Variants in CLSTN2 observed in about 807,000 individuals in gnomAD.
CLSTN2 encodes the protein calsyntenin 2, also known as calsyntenin-2.
Under a neutral mutation model 101.2 loss-of-function variants are expected in CLSTN2, and 48 were observed. That is an observed-to-expected ratio of 0.47 (90% CI 0.38 to 0.60). CLSTN2 has a LOEUF of 0.60. Ranked by LOEUF, CLSTN2 falls within the 20% of genes least tolerant of loss-of-function variation. CLSTN2 has a pLI of 0.00. For missense variants in CLSTN2, 1,160 were observed against 1,238.2 expected, an observed-to-expected ratio of 0.94 and a Z score of 0.95; for synonymous variants, 481 against 463.6, an observed-to-expected ratio of 1.04 and a Z score of -0.48.
At chr3:140,221,317 G>C (rs1316167927) in intron 2 of CLSTN2, among the ~76,000 whole-genome samples, 1 of 152,134 alleles carries the variant, frequency 6.6e-6, no homozygotes, top group African/African-American at 2.4e-5. Flanking sequence ...TCTATGTTTA[G>C]ATGTGGAAAT....
intron 6 of CLSTN2, chr3:140,453,345 C>T (rs1316598290): frequency 1.3e-5 from 2 of 152,174 alleles, no homozygotes; most frequent in Non-Finnish European, 2.9e-5. Context: ...TGTGTCAGAG[C>T]AGTGCGCCTG....
At chr3:140,080,740 C>T (rs569299667) in intron 1 of CLSTN2, among the ~76,000 whole-genome samples, 2 of 152,296 alleles carry the variant, frequency 1.3e-5, no homozygotes, top group East Asian at 1.9e-4. Flanking sequence ...GAAACCACCG[C>T]CCCAAACACC....
intron 1 of CLSTN2, among the ~76,000 whole-genome samples, chr3:140,063,466 C>T (rs1172738058): frequency 1.3e-5 from 2 of 152,168 alleles, no homozygotes; most frequent in Non-Finnish European, 2.9e-5. Flanking sequence ...GCTAACTGAG[C>T]ACCTGCCACA....
intron 8 of CLSTN2, among the ~76,000 whole-genome samples, chr3:140,517,890 G>A (rs1214494353): frequency 6.6e-6 from 1 of 152,082 alleles, no homozygotes; most frequent in Non-Finnish European, 1.5e-5. Context: ...AGCTCCCAAG[G>A]GATTATTTCC....
chr3:140,320,782 A>G (rs1320197464), intron 2 of CLSTN2, among the ~76,000 whole-genome samples: 3 of 152,172 alleles, frequency 2.0e-5, no homozygotes, highest in Non-Finnish European at 4.4e-5. Context: ...GGAAAAGACC[A>G]TTTTGAGGGA....
chr3:140,062,621 C>T (rs1240355730), intron 1 of CLSTN2, among the ~76,000 whole-genome samples: 1 of 152,194 alleles, frequency 6.6e-6, no homozygotes, highest in Non-Finnish European at 1.5e-5. Context: ...CTTTTCCTTG[C>T]CCTGCCCTGG....
Position 140,342,353 on chromosome 3 carries a change from C to T in CLSTN2, c.233-61276C>T, listed in dbSNP as rs905161977. On this transcript the variant is annotated intron_variant, in intron 2 of 16. Transcript: ENST00000458420. ...CCAAATGTCCCTTGGGGGACAAAAT[C>T]GCTCTCACTTGAGAACCACTTTTCT... 2.6e-5 allele frequency among the ~76,000 whole-genome samples: 4 copies of T among 152,058 alleles called. No individual in the cohort carries two copies. The East Asian group carries it at 5.8e-4, about 22-fold the overall frequency.
chr3:140,169,401 G>A (rs930959499), intron 1 of CLSTN2, among the ~76,000 whole-genome samples: 1 of 151,842 alleles, frequency 6.6e-6, no homozygotes, highest in Non-Finnish European at 1.5e-5. Context: ...TTTTTGCATT[G>A]ATTATCATGT....
intron 1 of CLSTN2, among the ~76,000 whole-genome samples, chr3:140,122,220 CA>C: frequency 1.3e-5 from 2 of 152,282 alleles, no homozygotes; most frequent in South Asian, 4.1e-4. Flanking sequence ...ATGCTTTTTG[CA>C]GCCAGAAGAC....
rs573505147 is a variant in CLSTN2 at position 140,352,140 on chromosome 3, C to T, written c.233-51489C>T. ...AAAGATAATAGTTGGATCTTCCAGA[C>T]GGTTGCTGTGACATTTAAAAGAGAT... is the stretch of plus-strand genomic sequence containing the variant. On this transcript the variant is annotated intron_variant, in intron 2 of 16. Transcript: ENST00000458420. Among the ~76,000 whole-genome samples the T allele has an allele frequency of 1.4e-4, 21 of 152,276 alleles. No homozygotes were observed. The South Asian group carries it at 2.9e-3, about 21-fold the overall frequency.
chr3:140,532,552 GA>G, intron 9 of CLSTN2, 66 bp downstream of exon 9: 1 of 1,378,706 alleles, frequency 7.3e-7, no homozygotes, highest in South Asian at 1.8e-5. Flanking sequence ...TACTTGTAGA[GA>G]AAAAGGAAAA....
At chr3:139,948,375 G>T (rs916561360) in intron 1 of CLSTN2, among the ~76,000 whole-genome samples, 3 of 151,750 alleles carry the variant, frequency 2.0e-5, no homozygotes, top group Non-Finnish European at 4.4e-5. Context: ...TGAGGCAGGA[G>T]AATCACTTGA....
intron 5 of CLSTN2, among the ~76,000 whole-genome samples, chr3:140,421,537 G>C (rs1053946916): frequency 7.0e-6 from 1 of 143,548 alleles, no homozygotes; most frequent in Admixed American, 6.9e-5. Context: ...TGACATCTTC[G>C]ATCAATAGTA....
At chr3:140,231,886 CCTT>C (rs2086374819) in intron 2 of CLSTN2, among the ~76,000 whole-genome samples, 1 of 152,186 alleles carries the variant, frequency 6.6e-6, no homozygotes, top group Non-Finnish European at 1.5e-5. Flanking sequence ...GGCAGCCACA[CCTT>C]CTCTGTTTAA....
chr3:140,182,051 A>G (rs894444724), intron 2 of CLSTN2, among the ~76,000 whole-genome samples: 14 of 152,178 alleles, frequency 9.2e-5, no homozygotes, highest in Admixed American at 9.2e-4. Context: ...CATGTCCAGG[A>G]GAAAGGTGCA....
At chr3:140,546,777 A>T in intron 10 of CLSTN2, 96 bp downstream of exon 10, 5 of 1,181,812 alleles carry the variant, frequency 4.2e-6, no homozygotes, top group Middle Eastern at 3.0e-4. Flanking sequence ...AGCTTCCTGG[A>T]ACGTTACACA....
At chr3:139,980,866 G>A (rs9289593) in intron 1 of CLSTN2, among the ~76,000 whole-genome samples, 50,309 of 151,952 alleles carry the variant, frequency 0.33, 10,546 homozygotes, top group Non-Finnish European at 0.46. Flanking sequence ...CACCAAGTTT[G>A]TCATACATAT....
intron 2 of CLSTN2, among the ~76,000 whole-genome samples, chr3:140,188,971 C>T (rs73226963): frequency 0.039 from 5,922 of 152,292 alleles, 170 homozygotes; most frequent in Non-Finnish European, 0.062. Context: ...CTTACCTGTT[C>T]TCATTCAGTA....
chr3:140,543,588 G>A (rs1223701041), intron 9 of CLSTN2, among the ~76,000 whole-genome samples: 2 of 152,212 alleles, frequency 1.3e-5, no homozygotes, highest in African/African-American at 2.4e-5. Context: ...GCAGAGAGCA[G>A]GGCAGCTCAG....
Sources: gnomAD v4.1 joint callset for allele counts (sites outside exome capture counted in the v4.1 genomes callset) on GRCh38, gnomAD v4.1.1 for gene constraint, MANE v1.5 for transcripts, NCBI Gene and HGNC (gene_info 2026-07-23, HGNC 2026-07-21) for gene names.